Variants in SLIT3 observed in about 807,000 individuals in gnomAD.
SLIT3 encodes slit homolog 3 protein.
SLIT3 carries 68 observed loss-of-function variants against 184.0 expected under a neutral mutation model. That is an observed-to-expected ratio of 0.37 (90% CI 0.30 to 0.45). The LOEUF (loss-of-function observed/expected upper bound fraction) is 0.45, where lower values mean the gene tolerates loss of function less well. Ranked by LOEUF, SLIT3 falls within the 20% of genes least tolerant of loss-of-function variation. The pLI, the probability that SLIT3 is intolerant of heterozygous loss-of-function variation, is 1.00. For missense variants in SLIT3, 1,707 were observed against 2,026.0 expected (o/e 0.84, Z 3.02); for synonymous variants, 831 against 828.6 (o/e 1.00, Z -0.05).
At chr5:169,007,955 C>G (rs534752764) in intron 4 of SLIT3, among the ~76,000 whole-genome samples, 2 of 152,330 alleles carry the variant, frequency 1.3e-5, no homozygotes, top group African/African-American at 2.4e-5. Context: ...AAGCAGCCAG[C>G]CTGCCTGGAG....
At chr5:168,923,096 T>C (rs1752119596) in intron 4 of SLIT3, among the ~76,000 whole-genome samples, 1 of 152,136 alleles carries the variant, frequency 6.6e-6, no homozygotes, top group African/African-American at 2.4e-5. Flanking sequence ...GAGTCAAGAA[T>C]CATTCCAGCT....
chr5:169,056,892 G>GC (rs1362580505), intron 4 of SLIT3, among the ~76,000 whole-genome samples: 2 of 152,156 alleles, frequency 1.3e-5, no homozygotes, highest in African/African-American at 4.8e-5. Context: ...TCTTGACTAT[G>GC]CCCCCCACAA....
intron 6 of SLIT3, among the ~76,000 whole-genome samples, chr5:168,834,405 G>A (rs1212531981): frequency 1.3e-5 from 2 of 152,048 alleles, no homozygotes; most frequent in African/African-American, 2.4e-5. Flanking sequence ...TTTAGATGGA[G>A]AAAGGGCCGG....
intron 15 of SLIT3, among the ~76,000 whole-genome samples, chr5:168,761,228 ATCTGT>A (rs1755134676): frequency 6.6e-6 from 1 of 152,064 alleles, no homozygotes; most frequent in Admixed American, 6.6e-5. Context: ...ATTACCAAGG[ATCTGT>A]TTTCATTTTG....
chr5:168,733,991 A>C (rs1458484472), intron 20 of SLIT3, among the ~76,000 whole-genome samples: 1 of 152,146 alleles, frequency 6.6e-6, no homozygotes, highest in East Asian at 1.9e-4. Context: ...CAATGGGTAC[A>C]CATGGACATA....
chr5:168,993,786 T>C (rs1437320087), intron 4 of SLIT3, among the ~76,000 whole-genome samples: 3 of 152,236 alleles, frequency 2.0e-5, no homozygotes, highest in East Asian at 1.9e-4. Flanking sequence ...CCACCTTCTC[T>C]TCCCCACTGA....
chr5:168,693,147 C>G (rs1470943515), intron 28 of SLIT3, among the ~76,000 whole-genome samples: 1 of 152,140 alleles, frequency 6.6e-6, no homozygotes, highest in Non-Finnish European at 1.5e-5. Context: ...CTACCCACAG[C>G]CTATTTGGGA....
chr5:169,236,154 T>G (rs1479206712), intron 3 of SLIT3, among the ~76,000 whole-genome samples: 1 of 152,246 alleles, frequency 6.6e-6, no homozygotes. Context: ...CTCATGGATA[T>G]TTAAACTTTG....
chr5:168,856,806 T>TGTGTGTGTGTGCGCGCGCGC (rs374432432), intron 5 of SLIT3, among the ~76,000 whole-genome samples: 8 of 137,740 alleles, frequency 5.8e-5, no homozygotes, highest in African/African-American at 2.2e-4. Flanking sequence ...TGTGTGTGTG[T>TGTGTGTGTGTGCGCGCGCGC]GCGCGCGCGC....
chr5:168,785,885 C>T (rs1756136168), intron 12 of SLIT3, 22 bp downstream of exon 12: 5 of 1,582,480 alleles, frequency 3.2e-6, no homozygotes, highest in Non-Finnish European at 4.3e-6. Flanking sequence ...AAGACACCAA[C>T]AGTGACAAAG....
intron 32 of SLIT3, among the ~76,000 whole-genome samples, chr5:168,677,666 C>T (rs748469779): frequency 5.9e-5 from 9 of 152,230 alleles, no homozygotes; most frequent in Non-Finnish European, 1.0e-4. Context: ...CCAGGCTGTT[C>T]TTGAACTCCT....
intron 4 of SLIT3, among the ~76,000 whole-genome samples, chr5:168,904,582 T>C (rs1760983870): frequency 6.6e-6 from 1 of 152,182 alleles, no homozygotes; most frequent in African/African-American, 2.4e-5. Context: ...GCCTTCAATG[T>C]CCCTTTCTGA....
intron 1 of SLIT3, among the ~76,000 whole-genome samples, chr5:169,275,745 C>A (rs1227803502): frequency 1.3e-5 from 2 of 152,160 alleles, no homozygotes; most frequent in Non-Finnish European, 2.9e-5. Flanking sequence ...CCCCATGATT[C>A]AATTACCTCC....
chr5:168,960,077 G>A (rs1762953681), intron 4 of SLIT3, among the ~76,000 whole-genome samples: 1 of 152,192 alleles, frequency 6.6e-6, no homozygotes, highest in Non-Finnish European at 1.5e-5. Flanking sequence ...TGGCTCCAGA[G>A]AGTCTCAGGT....
chr5:168,849,956 C>T (rs1386043027), intron 5 of SLIT3, among the ~76,000 whole-genome samples: 1 of 152,002 alleles, frequency 6.6e-6, no homozygotes, highest in Non-Finnish European at 1.5e-5. Context: ...AATAGGAAAT[C>T]TAGAAGCGCT....
chr5:169,235,262 T>C (rs1765155449), intron 3 of SLIT3, among the ~76,000 whole-genome samples: 2 of 152,226 alleles, frequency 1.3e-5, no homozygotes, highest in Admixed American at 6.5e-5. Context: ...TCTATTTCTT[T>C]TAAAGCAGTA....
intron 4 of SLIT3, among the ~76,000 whole-genome samples, chr5:169,008,636 G>A (rs1335714416): frequency 3.3e-5 from 5 of 152,024 alleles, no homozygotes; most frequent in African/African-American, 1.2e-4. Context: ...CATCTGTTTT[G>A]TTGTTGCTGC....
chr5:168,963,477 C>G (rs955719239), intron 4 of SLIT3, among the ~76,000 whole-genome samples: 1 of 152,220 alleles, frequency 6.6e-6, no homozygotes, highest in Non-Finnish European at 1.5e-5. Flanking sequence ...TAACCTCATG[C>G]TCATTTCTTT....
At chr5:169,189,658 C>T (rs1427295194) in intron 4 of SLIT3, among the ~76,000 whole-genome samples, 1 of 149,392 alleles carries the variant, frequency 6.7e-6, no homozygotes, top group East Asian at 1.9e-4. Flanking sequence ...AGGGAACTCC[C>T]AGTAGAGACA....
Sources: gnomAD v4.1 joint callset for allele counts (sites outside exome capture counted in the v4.1 genomes callset) on GRCh38, gnomAD v4.1.1 for gene constraint, MANE v1.5 for transcripts, NCBI Gene and HGNC (gene_info 2026-07-23, HGNC 2026-07-21) for gene names.